MICU1: variants seen among roughly 807,000 people sequenced by gnomAD.
The protein encoded by MICU1 is mitochondrial calcium uptake 1, also known as calcium uptake protein 1, mitochondrial.
In MICU1, 45 loss-of-function variants were observed where a neutral mutation model predicts 56.8. The ratio of observed to expected loss-of-function variants is 0.79; its 90% CI spans 0.62 to 1.02. The LOEUF is 1.02. Ranked by LOEUF, MICU1 falls within the 50% of genes least tolerant of loss-of-function variation. MICU1 has a pLI of 0.00. For synonymous variants in MICU1, 186 were observed against 195.1 expected (o/e 0.95, Z 0.39); for missense variants, 504 against 587.1 (o/e 0.86, Z 1.46).
intron 8 of MICU1, chr10:72,467,820 T>G (rs1022778596): frequency 4.5e-5 from 6 of 132,480 alleles, no homozygotes; most frequent in African/African-American, 2.2e-4. Flanking sequence ...ACGTAACAAT[T>G]TTTTTTTTTT....
intron 6 of MICU1, chr10:72,483,885 T>A (rs1269340337): frequency 1.3e-5 from 2 of 152,230 alleles, no homozygotes; most frequent in African/African-American, 4.8e-5. Flanking sequence ...AAAAACCACA[T>A]AGACTGTAAT....
At chr10:72,466,650 C>CA (rs1311543386) in intron 8 of MICU1, among the ~76,000 whole-genome samples, 1 of 152,166 alleles carries the variant, frequency 6.6e-6, no homozygotes, top group African/African-American at 2.4e-5. Flanking sequence ...ACAAAACCAA[C>CA]AAAACTGGGC....
intron 1 of MICU1, among the ~76,000 whole-genome samples, chr10:72,602,170 G>A (rs1841555438): frequency 6.6e-6 from 1 of 151,636 alleles, no homozygotes; most frequent in South Asian, 2.1e-4. Context: ...TCATACAACA[G>A]GCCAGGCACG....
Position 72,375,850 on chromosome 10 carries a change from C to G in MICU1, c.1203G>C (p.Arg401Ser), listed in dbSNP as rs371651807. The G allele has an allele frequency of 2.2e-5, 35 of 1,613,440 alleles. No homozygotes were observed. The highest frequency in any genetic ancestry group is 2.9e-5 in the Non-Finnish European group (34 of 1,179,718). ...CTGAGAGCTCCACTTTAGCCACTGT[C>G]CTGGCCACCTGCTGCATGGTCACTG... ...LDKVTMQQVARTVAKVELSDH... is the reference protein window; with the variant it reads ...LDKVTMQQVASTVAKVELSDH... The change falls in exon 11 of 12, where the codon AGG (arginine) becomes AGC (serine). Residue 401 changes from arginine to serine, a missense_variant. Physicochemically the swap from Arg to Ser is moderately radical, Grantham distance 110. Coordinates refer to ENST00000361114, the MANE Select transcript of MICU1 (RefSeq NM_001195518.2).
intron 8 of MICU1, among the ~76,000 whole-genome samples, chr10:72,471,752 G>A (rs1266561220): frequency 6.6e-6 from 1 of 152,050 alleles, no homozygotes; most frequent in African/African-American, 2.4e-5. Context: ...TCCCAAAGAA[G>A]ACCAGTCTGG....
chr10:72,621,487 C>T lies in MICU1; in HGVS notation c.-2+4523G>A, dbSNP rs563293339. Among the ~76,000 whole-genome samples the T allele has an allele frequency of 1.3e-4, 19 of 151,618 alleles. No homozygotes were observed. The South Asian group carries it at 3.1e-3, about 25-fold the overall frequency. On this transcript the variant is annotated intron_variant, in intron 1 of 11. Transcript: ENST00000361114. ...AGCCTGGGCGACAAGTGTAAAACTC[C>T]GTCTCAAAAAATAATAATAATAATA...
At chr10:72,555,197 T>A (rs771354668) in intron 3 of MICU1, among the ~76,000 whole-genome samples, 1 of 152,200 alleles carries the variant, frequency 6.6e-6, no homozygotes, top group African/African-American at 2.4e-5. Context: ...ATCATTATCA[T>A]AATTATTTCC....
intron 10 of MICU1, among the ~76,000 whole-genome samples, chr10:72,378,700 G>A (rs1481058339): frequency 2.0e-5 from 3 of 152,182 alleles, no homozygotes; most frequent in South Asian, 4.1e-4. Flanking sequence ...AAGGTAATGC[G>A]GTAGAAAACA....
intron 9 of MICU1, among the ~76,000 whole-genome samples, chr10:72,413,079 C>T (rs1863875201): frequency 6.6e-6 from 1 of 151,962 alleles, no homozygotes; most frequent in Non-Finnish European, 1.5e-5. Context: ...TGCTTGTAAT[C>T]CCAGCTACTC....
chr10:72,454,034 C>T (rs1332832348), intron 8 of MICU1, among the ~76,000 whole-genome samples: 1 of 151,810 alleles, frequency 6.6e-6, no homozygotes, highest in Non-Finnish European at 1.5e-5. Context: ...TGGGATTTCG[C>T]CATGTTGGCC....
At chr10:72,385,617 C>A (rs1862860916) in intron 10 of MICU1, among the ~76,000 whole-genome samples, 1 of 152,164 alleles carries the variant, frequency 6.6e-6, no homozygotes, top group Non-Finnish European at 1.5e-5. Flanking sequence ...AATAATAAAA[C>A]CAAAGGTGTA....
intron 10 of MICU1, among the ~76,000 whole-genome samples, chr10:72,392,335 C>A (rs2132069259): frequency 6.6e-6 from 1 of 152,238 alleles, no homozygotes; most frequent in South Asian, 2.1e-4. Flanking sequence ...CTTTGGGAAG[C>A]TGAGGTGGGC....
intron 1 of MICU1, among the ~76,000 whole-genome samples, chr10:72,616,571 G>A (rs957552062): frequency 1.6e-5 from 2 of 128,102 alleles, no homozygotes; most frequent in African/African-American, 5.9e-5. Flanking sequence ...TGGGCAACAA[G>A]AGCGAAACTC....
Position 72,622,310 on chromosome 10 carries a change from C to T in MICU1, c.-2+3700G>A, listed in dbSNP as rs144801054. ...TTTTTGCCTGTCCAGCAACCAATTG[C>T]TCTTCTCCAGAAAGCATCACCTCAA... On this transcript the variant is annotated intron_variant, in intron 1 of 11. Coordinates refer to ENST00000361114, the MANE Select transcript of MICU1 (RefSeq NM_001195518.2). 2.7e-4 allele frequency among the ~76,000 whole-genome samples: 41 copies of T among 151,944 alleles called. No homozygotes were observed. In the East Asian group the frequency reaches 7.3e-3, roughly 27 times the overall value.
At chr10:72,517,359 C>T (rs1024856943) in intron 5 of MICU1, among the ~76,000 whole-genome samples, 1 of 152,098 alleles carries the variant, frequency 6.6e-6, no homozygotes, top group East Asian at 1.9e-4. Context: ...ACTGCAAATA[C>T]GTGGAACCAG....
chr10:72,500,315 T>A lies in MICU1; in HGVS notation c.652+7840A>T, dbSNP rs1229438116. On this transcript the variant is annotated intron_variant, in intron 6 of 11. Coordinates refer to ENST00000361114, the MANE Select transcript of MICU1 (RefSeq NM_001195518.2). Reference sequence around the variant, plus strand: ...ATATATATATATATTTTTTTTTTTTTTTTTTTTTTTTTTTTTTTGAGACAG... The same window carrying A: ...ATATATATATATATTTTTTTTTTTTATTTTTTTTTTTTTTTTTTGAGACAG... 6.4e-3 allele frequency among the ~76,000 whole-genome samples: 499 copies of A among 78,024 alleles called. 7 individuals carry two copies. Among genetic ancestry groups the A allele is most frequent in the African/African-American group, 0.033 (480 of 14,762 alleles). The allele number at this position is 78,024 out of a possible 152,430, so 51.2% of individuals were successfully genotyped here.
At chr10:72,512,306 C>T (rs1867496188) in intron 5 of MICU1, among the ~76,000 whole-genome samples, 1 of 151,844 alleles carries the variant, frequency 6.6e-6, no homozygotes, top group Admixed American at 6.6e-5. Flanking sequence ...AGATGGGTTT[C>T]ACCATATTGG....
intron 1 of MICU1, among the ~76,000 whole-genome samples, chr10:72,604,499 C>G (rs1376241141): frequency 2.6e-5 from 4 of 152,042 alleles, no homozygotes; most frequent in Admixed American, 2.0e-4. Context: ...TCTCAAACTC[C>G]CGACCTCAGG....
chr10:72,569,231 A>ATTTTTTTTTTTTTT (rs1156509426), intron 1 of MICU1, among the ~76,000 whole-genome samples: 2 of 39,538 alleles, frequency 5.1e-5, no homozygotes, highest in African/African-American at 9.1e-5. Flanking sequence ...ATATATATAT[A>ATTTTTTTTTTTTTT]TATATATTTT....
Sources: allele counts gnomAD v4.1 joint callset (sites outside exome capture counted in the v4.1 genomes callset), GRCh38; gene constraint gnomAD v4.1.1; transcripts MANE v1.5; gene names NCBI Gene and HGNC (gene_info 2026-07-23, HGNC 2026-07-21).